NCK1: variants seen among roughly 807,000 people sequenced by gnomAD.
NCK1 encodes the protein SH2/SH3 adapter protein NCK1.
In NCK1, 19 loss-of-function variants were observed where a neutral mutation model predicts 36.6. The ratio of observed to expected loss-of-function variants is 0.52; its 90% confidence interval spans 0.36 to 0.76. The LOEUF (loss-of-function observed/expected upper bound fraction) is 0.76. NCK1 is among the 30% of genes least tolerant of loss of function. NCK1 has a pLI of 0.00. For synonymous variants in NCK1, 165 were observed against 156.0 expected (o/e 1.06, Z -0.43); for missense variants, 358 against 445.6 (o/e 0.80, Z 1.77).
chr3:136,921,561 G>A (rs1325063486), intron 1 of NCK1, among the ~76,000 whole-genome samples: 2 of 152,120 alleles, frequency 1.3e-5, no homozygotes, highest in African/African-American at 4.8e-5. Context: ...TGTCCAATTT[G>A]GGAGAGCCCA....
chr3:136,933,871 A>AT (rs554534211), intron 2 of NCK1, among the ~76,000 whole-genome samples: 23 of 151,286 alleles, frequency 1.5e-4, no homozygotes, highest in Non-Finnish European at 2.4e-4. Flanking sequence ...CACCTGGCTA[A>AT]TTTTTTTTGT....
chr3:136,895,782 C>G (rs563914328), intron 1 of NCK1, among the ~76,000 whole-genome samples: 3 of 152,232 alleles, frequency 2.0e-5, no homozygotes, highest in African/African-American at 7.2e-5. Flanking sequence ...CCAGGCTGAT[C>G]TCTAACTCCT....
chr3:136,865,436 A>G (rs1292340474), intron 1 of NCK1, among the ~76,000 whole-genome samples: 1 of 152,086 alleles, frequency 6.6e-6, no homozygotes, highest in Non-Finnish European at 1.5e-5. Context: ...ATTGCTTTGT[A>G]CTTTTACTTT....
intron 1 of NCK1, among the ~76,000 whole-genome samples, chr3:136,864,014 T>C (rs1398343851): frequency 6.6e-6 from 1 of 151,792 alleles, no homozygotes; most frequent in Non-Finnish European, 1.5e-5. Context: ...GGCAGGAGAA[T>C]GGCGTGAACC....
chr3:136,870,873 A>C (rs781000544), intron 1 of NCK1, among the ~76,000 whole-genome samples: 1 of 152,258 alleles, frequency 6.6e-6, no homozygotes, highest in Non-Finnish European at 1.5e-5. Flanking sequence ...AATCAGCATT[A>C]AGTTTGGCTA....
intron 1 of NCK1, among the ~76,000 whole-genome samples, chr3:136,883,972 A>G (rs1454536975): frequency 2.0e-5 from 3 of 152,236 alleles, no homozygotes; most frequent in Non-Finnish European, 2.9e-5. Context: ...TGCATATTCA[A>G]TTTTTGGAGA....
chr3:136,939,123 C>G (rs1159282963), intron 2 of NCK1, among the ~76,000 whole-genome samples: 1 of 152,072 alleles, frequency 6.6e-6, no homozygotes, highest in Non-Finnish European at 1.5e-5. Flanking sequence ...ATTTTTGATG[C>G]GAGATGTTTT....
At chr3:136,877,347 T>C (rs963690968) in intron 1 of NCK1, among the ~76,000 whole-genome samples, 1 of 152,136 alleles carries the variant, frequency 6.6e-6, no homozygotes, top group African/African-American at 2.4e-5. Flanking sequence ...AACTAGAAAA[T>C]TGTCAGCTGT....
rs1011036256 is a variant in NCK1, at chr3:136,948,738, A to G, written c.*285A>G. The G allele has an allele frequency of 9.6e-6, 2 of 208,478 alleles. No homozygotes were observed. The highest frequency in any genetic ancestry group is 1.9e-5 in the Non-Finnish European group (2 of 104,718). The allele number at this position is 208,478 out of a possible 1,614,324, so 12.9% of individuals were successfully genotyped here. A position where few individuals can be genotyped will look rare whatever the true frequency, so the allele number is the denominator to read the frequency against. On this transcript the variant is annotated 3_prime_UTR_variant, in exon 4 of 4. Coordinates refer to ENST00000481752, the MANE Select transcript of NCK1 (RefSeq NM_001291999.2). ...ACAGTTTTGTATTTTGTAAACAAAA[A>G]TCAAATAATGCATATCAGAATCTTT...
intron 1 of NCK1, among the ~76,000 whole-genome samples, chr3:136,919,748 G>C (rs1321079513): frequency 6.6e-6 from 1 of 152,152 alleles, no homozygotes; most frequent in African/African-American, 2.4e-5. Flanking sequence ...GAAGGGTACT[G>C]TTGGCTGTGT....
intron 2 of NCK1, among the ~76,000 whole-genome samples, chr3:136,934,081 G>A (rs1170930631): frequency 6.6e-6 from 1 of 152,178 alleles, no homozygotes; most frequent in Non-Finnish European, 1.5e-5. Flanking sequence ...CATTGATGGA[G>A]TTCCTGCTAT....
At chr3:136,935,503 A>G (rs1056036823) in intron 2 of NCK1, among the ~76,000 whole-genome samples, 2 of 152,034 alleles carry the variant, frequency 1.3e-5, no homozygotes, top group Admixed American at 1.3e-4. Flanking sequence ...TTGCAGCTTT[A>G]TTTATAGGAA....
intron 1 of NCK1, among the ~76,000 whole-genome samples, chr3:136,898,411 T>C (rs1939447928): frequency 6.8e-6 from 1 of 147,828 alleles, no homozygotes; most frequent in Non-Finnish European, 1.5e-5. Flanking sequence ...AAAAGGTGGA[T>C]GCAGTGGTAT....
In NCK1 at chr3:136,949,445, C is replaced by G. The variant is rs1420725585; in HGVS notation, c.*992C>G. ...AGTTTTGTTGATTGGGACACTAAAA[C>G]TGATGTATACCTGAGGAAAAAATAG... On this transcript the variant is annotated 3_prime_UTR_variant, in exon 4 of 4. Coordinates refer to ENST00000481752, the MANE Select transcript of NCK1 (RefSeq NM_001291999.2). 3 of 151,988 alleles carry G rather than the reference C, an allele frequency of 2.0e-5. No individual in the cohort carries two copies. Among genetic ancestry groups the G allele is most frequent in the South Asian group, 2.1e-4 (1 of 4,818 alleles). The allele number at this position is 151,988 out of a possible 1,614,324, so 9.4% of individuals were successfully genotyped here. A position where few individuals can be genotyped will look rare whatever the true frequency, so the allele number is the denominator to read the frequency against.
intron 2 of NCK1, among the ~76,000 whole-genome samples, chr3:136,939,171 C>T (rs1271177014): frequency 1.3e-5 from 2 of 152,080 alleles, no homozygotes; most frequent in East Asian, 1.9e-4. Context: ...TATGTCTGTT[C>T]AGATTTTCTA....
chr3:136,874,320 C>T (rs1938706738), intron 1 of NCK1, among the ~76,000 whole-genome samples: 2 of 152,124 alleles, frequency 1.3e-5, no homozygotes, highest in Admixed American at 1.3e-4. Flanking sequence ...AGATTACAGG[C>T]ACTTGCCACT....
In NCK1 at chr3:136,883,685, T is replaced by A. The variant is rs570452686; in HGVS notation, c.-19+21332T>A. On this transcript the variant is annotated intron_variant, in intron 1 of 3. Coordinates refer to ENST00000481752, the MANE Select transcript of NCK1 (RefSeq NM_001291999.2). Reference sequence around the variant, plus strand: ...ATTAGTCATTCAGTAGATATGTTGTTGGAGGGAATCTATTATATAGAACCG... The same window carrying A: ...ATTAGTCATTCAGTAGATATGTTGTAGGAGGGAATCTATTATATAGAACCG... 3.9e-5 allele frequency among the ~76,000 whole-genome samples: 6 copies of A among 152,334 alleles called. No individual in the cohort carries two copies. The East Asian group carries it at 1.2e-3, about 29-fold the overall frequency.
chr3:136,935,431 T>C (rs1184800608), intron 2 of NCK1, among the ~76,000 whole-genome samples: 4 of 152,302 alleles, frequency 2.6e-5, no homozygotes, highest in Middle Eastern at 6.8e-3. Flanking sequence ...CAATTTGACA[T>C]TTATTGAGAA....
chr3:136,862,843 G>T (rs972322090), intron 1 of NCK1, among the ~76,000 whole-genome samples: 1 of 152,066 alleles, frequency 6.6e-6, no homozygotes, highest in South Asian at 2.1e-4. Flanking sequence ...GGACATCTTC[G>T]GGACGCGCCC....
Sources: allele counts gnomAD v4.1 joint callset (sites outside exome capture counted in the v4.1 genomes callset), GRCh38; gene constraint gnomAD v4.1.1; transcripts MANE v1.5; gene names NCBI Gene and HGNC (gene_info 2026-07-23, HGNC 2026-07-21).